Variants in STK32B observed in about 807,000 individuals in gnomAD.
STK32B encodes serine/threonine-protein kinase 32B.
A neutral mutation model predicts 52.6 loss-of-function variants in STK32B; 43 were observed. The observed-to-expected ratio is 0.82, with a 90% CI of 0.64 to 1.05. The LOEUF (loss-of-function observed/expected upper bound fraction) is 1.05. Among genes scored for constraint, STK32B ranks in the 50% least tolerant of loss-of-function variants. The pLI is 0.00. For synonymous variants in STK32B, 238 were observed against 204.3 expected (o/e 1.17, Z -1.41); for missense variants, 621 against 534.6 (o/e 1.16, Z -1.59).
chr4:5,245,779 A>G (rs1055913301), intron 3 of STK32B, among the ~76,000 whole-genome samples: 3 of 152,140 alleles, frequency 2.0e-5, no homozygotes, highest in Non-Finnish European at 4.4e-5. Context: ...TGGTGACACA[A>G]TCTCTCAGCA....
intron 3 of STK32B, among the ~76,000 whole-genome samples, chr4:5,288,882 A>T (rs1040657797): frequency 6.6e-6 from 1 of 152,174 alleles, no homozygotes; most frequent in South Asian, 2.1e-4. Context: ...TTTTAGCTTT[A>T]TGTTTAGGTC....
At chr4:5,179,255 G>A (rs903129004) in intron 3 of STK32B, among the ~76,000 whole-genome samples, 2 of 152,168 alleles carry the variant, frequency 1.3e-5, no homozygotes, top group East Asian at 3.9e-4. Flanking sequence ...TCACTATCAC[G>A]AGAACAGCAT....
At position 5,099,454 on chromosome 4, in the gene STK32B, G is replaced by GCGCGCGCA. The variant is rs1553823533; in HGVS notation, c.53-40445_53-40444insCACGCGCG. Among the ~76,000 whole-genome samples the GCGCGCGCA allele has an allele frequency of 6.2e-5, 8 of 129,744 alleles. No homozygotes were observed. In the East Asian group the frequency reaches 7.9e-4, roughly 13 times the overall value. The allele number at this position is 129,744 out of a possible 152,430, so 85.1% of individuals were successfully genotyped here. Reference sequence around the variant, plus strand: ...CCTCTGTGTGTGTGTGTGTGTGCGCGCGCGCGTATGTGATGTGTTCACAAC... The same window carrying GCGCGCGCA: ...CCTCTGTGTGTGTGTGTGTGTGCGCGCGCGCGCACGCGCGTATGTGATGTGTTCACAAC... On this transcript the variant is annotated intron_variant, in intron 1 of 11. Transcript: ENST00000282908.
intron 11 of STK32B, among the ~76,000 whole-genome samples, chr4:5,479,618 A>G (rs988105167): frequency 3.3e-5 from 5 of 152,128 alleles, no homozygotes; most frequent in African/African-American, 1.2e-4. Context: ...CCCAGATGGG[A>G]TGGGCTGCCT....
At chr4:5,098,258 C>G (rs554033865) in intron 1 of STK32B, among the ~76,000 whole-genome samples, 77 of 152,256 alleles carry the variant, frequency 5.1e-4, no homozygotes, top group African/African-American at 1.8e-3. Context: ...AGCAGAAGGA[C>G]TTGTTATGTT....
At chr4:5,019,508 G>A in the STK32B span, 3 of 1,390,794 alleles carry the variant, frequency 2.2e-6, no homozygotes, top group Non-Finnish European at 2.8e-6. Flanking sequence ...GTGGTCCAGG[G>A]CGGCTCCACG....
chr4:5,203,630 C>T (rs1722328237), intron 3 of STK32B, among the ~76,000 whole-genome samples: 1 of 152,180 alleles, frequency 6.6e-6, no homozygotes, highest in South Asian at 2.1e-4. Context: ...GTCCTCAGTG[C>T]CTACCATACT....
chr4:5,045,781 G>T, the STK32B span, among the ~76,000 whole-genome samples: 1 of 152,080 alleles, frequency 6.6e-6, no homozygotes, highest in Non-Finnish European at 1.5e-5. Flanking sequence ...TGCTGAAGTT[G>T]CTTATCAGCT....
intron 3 of STK32B, among the ~76,000 whole-genome samples, chr4:5,199,216 G>A (rs757728956): frequency 7.2e-5 from 11 of 152,162 alleles, no homozygotes; most frequent in Non-Finnish European, 1.2e-4. Flanking sequence ...AATTGAACAT[G>A]CACGGTGGTT....
intron 1 of STK32B, among the ~76,000 whole-genome samples, chr4:5,131,593 C>T (rs888630154): frequency 1.3e-5 from 2 of 152,176 alleles, no homozygotes; most frequent in African/African-American, 4.8e-5. Context: ...TCTCTCCTTC[C>T]TACACAGCAG....
intron 2 of STK32B, among the ~76,000 whole-genome samples, chr4:5,159,740 A>AAT (rs1277096804): frequency 4.6e-5 from 6 of 130,024 alleles, no homozygotes; most frequent in African/African-American, 1.6e-4. Flanking sequence ...TATATATATG[A>AAT]ATATATGAAT....
intron 3 of STK32B, among the ~76,000 whole-genome samples, chr4:5,322,202 T>C (rs1731550934): frequency 6.6e-6 from 1 of 152,066 alleles, no homozygotes; most frequent in Non-Finnish European, 1.5e-5. Flanking sequence ...TTGTGAATGT[T>C]ATTAAAGACA....
intron 3 of STK32B, among the ~76,000 whole-genome samples, chr4:5,291,237 G>A (rs1728875469): frequency 6.6e-6 from 1 of 152,030 alleles, no homozygotes. Flanking sequence ...TAATTGTGTT[G>A]AATCTGTAGA....
At chr4:5,271,148 A>G (rs753673394) in intron 3 of STK32B, among the ~76,000 whole-genome samples, 17 of 152,092 alleles carry the variant, frequency 1.1e-4, no homozygotes, top group South Asian at 4.1e-4. Context: ...ATGTTGGCCA[A>G]GCTGGTCTCA....
chr4:5,317,263 T>C lies in STK32B; in HGVS notation c.261-13957T>C, dbSNP rs1207283395. Among the ~76,000 whole-genome samples the C allele has an allele frequency of 5.5e-4, 14 of 25,582 alleles. 1 individual carries two copies. In the East Asian group the frequency reaches 0.019, roughly 36 times the overall value. The allele number at this position is 25,582 out of a possible 152,430, so 16.8% of individuals were successfully genotyped here. Reference sequence around the variant, plus strand: ...TATATATTATATATAACATATAACATATATATAATATATAACATATAACAT... The same window carrying C: ...TATATATTATATATAACATATAACACATATATAATATATAACATATAACAT... On this transcript the variant is annotated intron_variant, in intron 3 of 11. Transcript: ENST00000282908.
intron 1 of STK32B, among the ~76,000 whole-genome samples, chr4:5,130,031 T>C (rs1715652632): frequency 6.6e-6 from 1 of 151,898 alleles, no homozygotes; most frequent in African/African-American, 2.4e-5. Flanking sequence ...AACAAGTCAG[T>C]AGGAGGACAA....
intron 1 of STK32B, among the ~76,000 whole-genome samples, chr4:5,065,669 G>C (rs910107935): frequency 1.3e-5 from 2 of 152,186 alleles, no homozygotes; most frequent in Non-Finnish European, 2.9e-5. Flanking sequence ...ATTTGATTTG[G>C]AGCTGAGAGT....
At chr4:5,037,502 G>C in the STK32B span, among the ~76,000 whole-genome samples, 1 of 152,168 alleles carries the variant, frequency 6.6e-6, no homozygotes, top group African/African-American at 2.4e-5. Context: ...GTCACAACCA[G>C]CTCTTCTGGT....
intron 3 of STK32B, among the ~76,000 whole-genome samples, chr4:5,236,571 C>G (rs566743927): frequency 6.6e-6 from 1 of 152,292 alleles, no homozygotes; most frequent in South Asian, 2.1e-4. Flanking sequence ...ATAATGCAAT[C>G]ATACAGTAGG....
Sources: allele counts gnomAD v4.1 joint callset (sites outside exome capture counted in the v4.1 genomes callset), GRCh38; gene constraint gnomAD v4.1.1; transcripts MANE v1.5; gene names NCBI Gene and HGNC (gene_info 2026-07-23, HGNC 2026-07-21).